ZNF385B: variants seen among roughly 807,000 people sequenced by gnomAD.
The protein encoded by ZNF385B is zinc finger protein 385B, also known as zinc finger protein 533.
A neutral mutation model predicts 39.2 loss-of-function variants in ZNF385B; 23 were observed. The ratio of observed to expected loss-of-function variants is 0.59; its 90% CI spans 0.42 to 0.83. ZNF385B has a LOEUF of 0.83. Among genes scored for constraint, ZNF385B ranks in the 40% least tolerant of loss-of-function variants. The probability of loss-of-function intolerance (pLI) is 0.00; values close to 1 mark genes in which losing one functional copy is unlikely to be tolerated. For missense variants in ZNF385B, 552 were observed against 598.9 expected, an observed-to-expected ratio of 0.92 and a Z score of 0.82; for synonymous variants, 205 against 222.6, an observed-to-expected ratio of 0.92 and a Z score of 0.70.
intron 6 of ZNF385B, among the ~76,000 whole-genome samples, chr2:179,450,064 ACTG>A: frequency 6.6e-6 from 1 of 152,184 alleles, no homozygotes; most frequent in East Asian, 1.9e-4. Context: ...GAAAGCTGAA[ACTG>A]GATCCCTTCC....
At chr2:179,464,896 T>G (rs1004378958) in intron 6 of ZNF385B, among the ~76,000 whole-genome samples, 4 of 152,270 alleles carry the variant, frequency 2.6e-5, no homozygotes, top group Admixed American at 2.6e-4. Flanking sequence ...GATTCTTTTT[T>G]TCTGTCTACA....
rs943905940 is a variant in ZNF385B at position 179,488,440 on chromosome 2, G to A, written c.553-5006C>T. Among the ~76,000 whole-genome samples the A allele has an allele frequency of 4.6e-5, 7 of 152,104 alleles. No homozygotes were observed. The East Asian group carries it at 9.6e-4, about 21-fold the overall frequency. Reference sequence around the variant, plus strand: ...ATTACAGGCGAGAGCCACTGCGCACGGCCTGATTTTTACCTTATTTCTAAT... The same window carrying A: ...ATTACAGGCGAGAGCCACTGCGCACAGCCTGATTTTTACCTTATTTCTAAT... On this transcript the variant is annotated intron_variant, in intron 5 of 9. Transcript: ENST00000410066.
At chr2:179,506,309 C>T (rs985726034) in intron 5 of ZNF385B, among the ~76,000 whole-genome samples, 1 of 151,634 alleles carries the variant, frequency 6.6e-6, no homozygotes, top group Non-Finnish European at 1.5e-5. Context: ...GTGTTTTAGA[C>T]TTAAGTGAGA....
intron 5 of ZNF385B, among the ~76,000 whole-genome samples, chr2:179,514,861 C>T (rs1457700424): frequency 6.6e-6 from 1 of 150,924 alleles, no homozygotes; most frequent in Non-Finnish European, 1.5e-5. Context: ...TCACTGCAAC[C>T]TCTGCCACCT....
At chr2:179,660,421 A>G (rs1694331241) in intron 3 of ZNF385B, among the ~76,000 whole-genome samples, 1 of 152,176 alleles carries the variant, frequency 6.6e-6, no homozygotes, top group Non-Finnish European at 1.5e-5. Context: ...AAAATTCCCA[A>G]GTAAAATTTT....
chr2:179,674,047 C>G (rs1391951037), intron 3 of ZNF385B, among the ~76,000 whole-genome samples: 8 of 152,056 alleles, frequency 5.3e-5, no homozygotes. Context: ...TTATACAGAA[C>G]TATATCCTAA....
intron 3 of ZNF385B, among the ~76,000 whole-genome samples, chr2:179,581,270 T>C (rs10191369): frequency 0.21 from 32,309 of 152,108 alleles, 3,559 homozygotes; most frequent in Middle Eastern, 0.26. Flanking sequence ...TTACCAAGCA[T>C]GGTTCCTTCT....
intron 3 of ZNF385B, among the ~76,000 whole-genome samples, chr2:179,676,602 G>A (rs1020179965): frequency 1.4e-5 from 2 of 146,078 alleles, no homozygotes; most frequent in South Asian, 2.1e-4. Context: ...GGAGAGCAGC[G>A]GGGGGACAGG....
intron 3 of ZNF385B, among the ~76,000 whole-genome samples, chr2:179,747,384 A>C (rs17824913): frequency 0.095 from 14,382 of 152,066 alleles, 751 homozygotes; most frequent in Non-Finnish European, 0.11. Context: ...ATTGAACACA[A>C]TTGCCCCTCA....
chr2:179,645,050 A>C (rs1305138429), intron 3 of ZNF385B, among the ~76,000 whole-genome samples: 1 of 152,246 alleles, frequency 6.6e-6, no homozygotes, highest in East Asian at 1.9e-4. Context: ...CCATCTCTAG[A>C]ACTCTTGTCA....
chr2:179,501,554 A>T (rs2056762085), intron 5 of ZNF385B, among the ~76,000 whole-genome samples: 1 of 152,116 alleles, frequency 6.6e-6, no homozygotes, highest in Non-Finnish European at 1.5e-5. Flanking sequence ...GGACACAGAG[A>T]GTAGAAGGAT....
chr2:179,493,817 A>ATATGCATATATG (rs1179636799), intron 5 of ZNF385B, among the ~76,000 whole-genome samples: 69 of 135,148 alleles, frequency 5.1e-4, no homozygotes, highest in East Asian at 8.3e-4. Context: ...ATACATATAT[A>ATATGCATATATG]TATAGCAGAG....
intron 3 of ZNF385B, chr2:179,562,598 C>A: frequency 5.1e-6 from 5 of 985,346 alleles, no homozygotes; most frequent in Non-Finnish European, 6.0e-6. Flanking sequence ...TATTGAGGAT[C>A]GTGTTTGCAA....
intron 6 of ZNF385B, among the ~76,000 whole-genome samples, chr2:179,460,114 G>T (rs148032797): frequency 1.3e-5 from 2 of 150,926 alleles, no homozygotes; most frequent in African/African-American, 4.9e-5. Flanking sequence ...AAAAAGAAAA[G>T]AAAAGAAAAG....
chr2:179,523,839 C>T (rs1430266988), intron 4 of ZNF385B, among the ~76,000 whole-genome samples: 1 of 152,138 alleles, frequency 6.6e-6, no homozygotes, highest in Non-Finnish European at 1.5e-5. Context: ...GTTGCTCAGT[C>T]TGGAGAGCAG....
intron 1 of ZNF385B, among the ~76,000 whole-genome samples, chr2:179,833,324 C>A (rs937477100): frequency 1.3e-5 from 2 of 151,904 alleles, no homozygotes; most frequent in African/African-American, 4.8e-5. Flanking sequence ...TCAGATCTCA[C>A]AAATAAGATG....
At chr2:179,484,731 G>A (rs1004908019) in intron 5 of ZNF385B, among the ~76,000 whole-genome samples, 8 of 152,222 alleles carry the variant, frequency 5.3e-5, no homozygotes, top group African/African-American at 7.2e-5. Flanking sequence ...CTAAAACAGC[G>A]AAAGATGCAT....
chr2:179,568,952 T>C (rs997873488), intron 3 of ZNF385B, among the ~76,000 whole-genome samples: 11 of 152,362 alleles, frequency 7.2e-5, no homozygotes, highest in Non-Finnish European at 1.0e-4. Context: ...TAGAGTTTAT[T>C]AGTCATCTTT....
intron 3 of ZNF385B, among the ~76,000 whole-genome samples, chr2:179,717,425 G>C (rs1471226932): frequency 6.6e-6 from 1 of 152,134 alleles, no homozygotes; most frequent in East Asian, 1.9e-4. Flanking sequence ...GAGAGGGAGA[G>C]ACAGAAAGAG....
Sources: allele counts gnomAD v4.1 joint callset (sites outside exome capture counted in the v4.1 genomes callset), GRCh38; gene constraint gnomAD v4.1.1; transcripts MANE v1.5; gene names NCBI Gene and HGNC (gene_info 2026-07-23, HGNC 2026-07-21).